Variants in TMEM131 observed in about 807,000 individuals in gnomAD.
TMEM131 encodes the protein transmembrane protein 131.
TMEM131 carries 66 observed loss-of-function variants against 211.6 expected under a neutral mutation model. That is an observed-to-expected ratio of 0.31 (90% CI 0.26 to 0.38). The LOEUF is 0.38. TMEM131 is among the 10% of genes least tolerant of loss of function. TMEM131 has a pLI of 1.00. For synonymous variants in TMEM131, 844 were observed against 841.3 expected (o/e 1.00, Z -0.06); for missense variants, 2,036 against 2,299.3 (o/e 0.89, Z 2.34).
intron 27 of TMEM131, 133 bp from the exon 28 acceptor site, chr2:97,796,537 C>T: frequency 1.5e-6 from 1 of 676,964 alleles, no homozygotes; most frequent in Non-Finnish European, 2.4e-6. Context: ...GAGAGATCAG[C>T]TGTTCCTCAG....
At position 97,980,509 on chromosome 2, in the gene TMEM131, C is replaced by G. The variant is rs1328787082; in HGVS notation, c.187+14967G>C. Among the ~76,000 whole-genome samples, 3 of 152,196 alleles carry G rather than the reference C, an allele frequency of 2.0e-5. No individual in the cohort carries two copies. In the East Asian group the frequency reaches 5.8e-4, roughly 29 times the overall value. On this transcript the variant is annotated intron_variant, in intron 1 of 40. Transcript: ENST00000186436. Reference sequence around the variant, plus strand: ...AAAATGGTACAGCCGCTTTGGAAAACAGGTTAGCAGTTTCTTAAACATACA... The same window carrying G: ...AAAATGGTACAGCCGCTTTGGAAAAGAGGTTAGCAGTTTCTTAAACATACA...
At chr2:97,816,453 C>T (rs1681831179) in intron 12 of TMEM131, among the ~76,000 whole-genome samples, 1 of 152,128 alleles carries the variant, frequency 6.6e-6, no homozygotes, top group African/African-American at 2.4e-5. Context: ...AATAAAGAAG[C>T]TGTTTATGTT....
chr2:97,806,783 TA>T (rs1204625052), intron 19 of TMEM131, among the ~76,000 whole-genome samples: 2 of 152,228 alleles, frequency 1.3e-5, no homozygotes, highest in African/African-American at 4.8e-5. Flanking sequence ...ACCCACTTTT[TA>T]AATATTTGGA....
intron 1 of TMEM131, among the ~76,000 whole-genome samples, chr2:97,990,274 TAAC>T (rs1472458669): frequency 6.6e-6 from 1 of 151,654 alleles, no homozygotes; most frequent in Admixed American, 6.6e-5. Flanking sequence ...CTTAAACTGT[TAAC>T]AAGTCAACAG....
At chr2:97,882,580 A>G (rs918717004) in intron 4 of TMEM131, among the ~76,000 whole-genome samples, 5 of 152,228 alleles carry the variant, frequency 3.3e-5, no homozygotes, top group African/African-American at 1.2e-4. Flanking sequence ...TTATCTGTGG[A>G]CAAGAAACTT....
At chr2:97,782,743 G>A (rs1308964893) in intron 31 of TMEM131, among the ~76,000 whole-genome samples, 1 of 151,868 alleles carries the variant, frequency 6.6e-6, no homozygotes, top group African/African-American at 2.4e-5. Flanking sequence ...AGAGGAGACA[G>A]GAAATAATCA....
intron 7 of TMEM131, among the ~76,000 whole-genome samples, chr2:97,837,945 A>G (rs1229964742): frequency 6.6e-6 from 1 of 152,130 alleles, no homozygotes; most frequent in Non-Finnish European, 1.5e-5. Flanking sequence ...AGACTAGCTC[A>G]TATTTTCTAG....
At chr2:97,845,466 A>C (rs1683380490) in intron 5 of TMEM131, among the ~76,000 whole-genome samples, 1 of 152,188 alleles carries the variant, frequency 6.6e-6, no homozygotes, top group South Asian at 2.1e-4. Flanking sequence ...CTGAAATTCA[A>C]CAACATACTT....
At chr2:97,794,906 G>T in intron 29 of TMEM131, 24 bp downstream of exon 29, 1 of 1,542,216 alleles carries the variant, frequency 6.5e-7, no homozygotes, top group South Asian at 1.2e-5. Flanking sequence ...GAATGAATAT[G>T]AACCTTGAAA....
Position 97,809,750 on chromosome 2 carries a change from C to T in TMEM131, c.1993G>A (p.Val665Met). Residue 665 changes from valine (V) to methionine (M), a missense_variant, in exon 19 of 41, where the codon GTG (valine) becomes ATG (methionine). Physicochemically the swap from Val to Met is conservative, Grantham distance 21. Around this residue, in one of 3 missense-constraint regions of TMEM131, gnomAD observed 1,623 missense variants for 1,805.9 expected, o/e 0.90. Transcript: ENST00000186436. ...YEILTIPVKA[V>M]IAVGSLTCFP... ...CAGGTCAGTGAGCCTACTGCAATCA[C>T]AGCCTTCACAGGGATTGTCAGGATC... 1 of 1,606,834 alleles carries T rather than the reference C, an allele frequency of 6.2e-7. No homozygotes were observed.
At chr2:97,876,679 C>T (rs756908109) in intron 4 of TMEM131, among the ~76,000 whole-genome samples, 8 of 152,160 alleles carry the variant, frequency 5.3e-5, no homozygotes, top group Non-Finnish European at 1.2e-4. Context: ...TGTCAATAAA[C>T]TAGGTATTGA....
chr2:97,989,014 C>T (rs1454732207), intron 1 of TMEM131, among the ~76,000 whole-genome samples: 3 of 151,908 alleles, frequency 2.0e-5, no homozygotes, highest in South Asian at 2.1e-4. Context: ...CTAGTGTCCA[C>T]GGATGGATGA....
intron 4 of TMEM131, among the ~76,000 whole-genome samples, chr2:97,865,381 C>A (rs2105200582): frequency 6.6e-6 from 1 of 152,310 alleles, no homozygotes; most frequent in African/African-American, 2.4e-5. Context: ...GGAATTTTTT[C>A]ATTCTTTCAC....
chr2:97,812,570 A>G lies in TMEM131; in HGVS notation c.1729-15T>C. 1.3e-6 allele frequency: 2 copies of G among 1,596,726 alleles called. No individual in the cohort carries two copies. Among genetic ancestry groups the G allele is most frequent in the Non-Finnish European group, 1.7e-6 (2 of 1,174,714 alleles). On this transcript the variant is annotated splice_polypyrimidine_tract_variant and intron_variant, in intron 16 of 40. Coordinates refer to ENST00000186436, the MANE Select transcript of TMEM131 (RefSeq NM_015348.2). ...TTTATAGCCAACTTTAAAAAAAGATATGAAAATGATTATCACAACACAAGC... is the reference window on the plus strand; with the variant it reads ...TTTATAGCCAACTTTAAAAAAAGATGTGAAAATGATTATCACAACACAAGC...
At chr2:97,768,065 ATTTTC>A (rs58747630) in intron 33 of TMEM131, among the ~76,000 whole-genome samples, 54,720 of 151,686 alleles carry the variant, frequency 0.36, 10,666 homozygotes, top group East Asian at 0.56. Flanking sequence ...GTCAAAGGAC[ATTTTC>A]TTTTGTTTCG....
intron 12 of TMEM131, 96 bp downstream of exon 12, chr2:97,818,517 A>AAC (rs1681953873): frequency 3.2e-6 from 2 of 629,172 alleles, no homozygotes; most frequent in Non-Finnish European, 5.4e-6. Flanking sequence ...CTGATGGTAA[A>AAC]ACAGTTTGGA....
intron 1 of TMEM131, among the ~76,000 whole-genome samples, chr2:97,958,436 G>C (rs1415787690): frequency 1.3e-5 from 2 of 152,160 alleles, no homozygotes; most frequent in East Asian, 3.9e-4. Flanking sequence ...AAGTAGAACA[G>C]TAACAAACCC....
At chr2:97,759,166 A>G (rs1678675843) in intron 39 of TMEM131, 113 bp from the exon 40 acceptor site, 1 of 1,308,926 alleles carries the variant, frequency 7.6e-7, no homozygotes, top group Non-Finnish European at 1.1e-6. Context: ...GAGCCACCAC[A>G]CCCACTTCAC....
chr2:97,804,616 C>T (rs1056095023), intron 22 of TMEM131, among the ~76,000 whole-genome samples: 5 of 129,110 alleles, frequency 3.9e-5, no homozygotes, highest in African/African-American at 1.3e-4. Flanking sequence ...AGTGAGACTC[C>T]GTCTCAAAAA....
Sources: allele counts gnomAD v4.1 joint callset (sites outside exome capture counted in the v4.1 genomes callset), GRCh38; gene constraint gnomAD v4.1.1; regional missense constraint gnomAD v4.1.1; transcripts MANE v1.5; gene names NCBI Gene and HGNC (gene_info 2026-07-23, HGNC 2026-07-21).